Variants in STK3 observed in about 807,000 individuals in gnomAD.
STK3 encodes serine/threonine-protein kinase 3.
Under a neutral mutation model 58.0 loss-of-function variants are expected in STK3, and 41 were observed. That is an observed-to-expected ratio of 0.71 (90% CI 0.55 to 0.92). The LOEUF (loss-of-function observed/expected upper bound fraction) is 0.92, where lower values mean the gene tolerates loss of function less well. Among genes scored for constraint, STK3 ranks in the 40% least tolerant of loss-of-function variants. The probability of loss-of-function intolerance (pLI) is 0.00; values close to 1 mark genes in which losing one functional copy is unlikely to be tolerated. For synonymous variants in STK3, 170 were observed against 191.0 expected, an observed-to-expected ratio of 0.89 and a Z score of 0.91; for missense variants, 479 against 602.7, an observed-to-expected ratio of 0.79 and a Z score of 2.15.
chr8:98,523,592 C>A (rs12677171), intron 10 of STK3, among the ~76,000 whole-genome samples: 2 of 151,828 alleles, frequency 1.3e-5, no homozygotes, highest in African/African-American at 4.8e-5. Context: ...TCAGGCTGGT[C>A]TCAAACTCCT....
chr8:98,631,591 C>CA (rs1819238726), intron 6 of STK3, among the ~76,000 whole-genome samples: 1 of 152,150 alleles, frequency 6.6e-6, no homozygotes, highest in South Asian at 2.1e-4. Context: ...ACATATCTGT[C>CA]ATTCTGTATC....
At chr8:98,508,615 T>C (rs1192881869) in intron 10 of STK3, among the ~76,000 whole-genome samples, 2 of 152,192 alleles carry the variant, frequency 1.3e-5, no homozygotes, top group Admixed American at 6.5e-5. Flanking sequence ...ATACTTTAAA[T>C]GGGTGAGTTA....
chr8:98,622,573 C>A (rs1818411604), intron 6 of STK3, among the ~76,000 whole-genome samples: 1 of 152,090 alleles, frequency 6.6e-6, no homozygotes, highest in Non-Finnish European at 1.5e-5. Flanking sequence ...TGTAAAAAAT[C>A]AAATTATCGA....
chr8:98,688,610 C>A (rs1006163782), intron 6 of STK3, among the ~76,000 whole-genome samples: 2 of 151,930 alleles, frequency 1.3e-5, no homozygotes, highest in Non-Finnish European at 2.9e-5. Flanking sequence ...GAAACCAACA[C>A]CAAGAGGAAC....
intron 8 of STK3, among the ~76,000 whole-genome samples, chr8:98,569,268 G>A (rs1812759782): frequency 6.6e-6 from 1 of 152,012 alleles, no homozygotes; most frequent in South Asian, 2.1e-4. Context: ...CTGCTGTCAG[G>A]AAGCTACTGG....
chr8:98,606,259 G>A (rs1816769019), intron 6 of STK3: 1 of 152,190 alleles, frequency 6.6e-6, no homozygotes, highest in Non-Finnish European at 1.5e-5. Flanking sequence ...AAGATGGGTG[G>A]TTGAACATTA....
chr8:98,521,650 T>C (rs1320782356), intron 10 of STK3, among the ~76,000 whole-genome samples: 1 of 152,164 alleles, frequency 6.6e-6, no homozygotes, highest in African/African-American at 2.4e-5. Flanking sequence ...TTTCACCCTC[T>C]GATCTGGATC....
chr8:98,477,718 G>GGGGGGGGGGGGGGA, intron 10 of STK3, among the ~76,000 whole-genome samples: 1 of 60,414 alleles, frequency 1.7e-5, no homozygotes, highest in African/African-American at 5.9e-5. Flanking sequence ...GGGGGGGGGT[G>GGGGGGGGGGGGGGA]GGCGGGGGGG....
intron 1 of STK3, among the ~76,000 whole-genome samples, chr8:98,891,950 T>C (rs557371577): frequency 6.6e-6 from 1 of 152,252 alleles, no homozygotes; most frequent in East Asian, 1.9e-4. Flanking sequence ...AGTCCTAGCA[T>C]GACAAAAGAC....
intron 1 of STK3, among the ~76,000 whole-genome samples, chr8:98,890,924 A>G (rs927905906): frequency 6.6e-6 from 1 of 152,236 alleles, no homozygotes; most frequent in Non-Finnish European, 1.5e-5. Flanking sequence ...ATATCATTTT[A>G]TCGTCCTAGC....
chr8:98,588,606 A>G (rs1489877012), intron 7 of STK3, among the ~76,000 whole-genome samples: 3 of 152,072 alleles, frequency 2.0e-5, no homozygotes, highest in South Asian at 4.2e-4. Context: ...GAGTATCTTT[A>G]TGGCGTTCTC....
intron 8 of STK3, among the ~76,000 whole-genome samples, chr8:98,573,886 C>T (rs1813171424): frequency 6.6e-6 from 1 of 152,012 alleles, no homozygotes; most frequent in African/African-American, 2.4e-5. Flanking sequence ...ATAATCACGG[C>T]ACAAGGCAAC....
chr8:98,526,705 G>C, intron 10 of STK3, 37 bp downstream of exon 10: 1 of 1,465,068 alleles, frequency 6.8e-7, no homozygotes, highest in African/African-American at 1.4e-5. Context: ...AAATATAGAA[G>C]GAGAAAACAT....
At chr8:98,349,038 G>T in the STK3 span, among the ~76,000 whole-genome samples, 1 of 152,210 alleles carries the variant, frequency 6.6e-6, no homozygotes, top group African/African-American at 2.4e-5. Flanking sequence ...ATAAATAAAT[G>T]GTGGTACATC....
chr8:98,677,793 T>G (rs1823336071), intron 6 of STK3, among the ~76,000 whole-genome samples: 1 of 152,174 alleles, frequency 6.6e-6, no homozygotes, highest in African/African-American at 2.4e-5. Context: ...TTTTCAGAAC[T>G]TTTCTTCTCA....
At chr8:98,632,211 A>G (rs948636548) in intron 6 of STK3, among the ~76,000 whole-genome samples, 1 of 152,240 alleles carries the variant, frequency 6.6e-6, no homozygotes, top group Admixed American at 6.5e-5. Flanking sequence ...GTAAAAATAA[A>G]AATGTAGTCT....
At position 98,836,170 on chromosome 8, in the gene STK3, C is replaced by T. The variant is rs192889794; in HGVS notation, c.110+47477G>A. On this transcript the variant is annotated intron_variant, in intron 3 of 12. Coordinates refer to the STK3 transcript ENST00000523601. ...GAGCTGAGATCGCACTATTGCACTC[C>T]AGCCTGGGCAACAGAGTAAGACTCT... Among the ~76,000 whole-genome samples the T allele has an allele frequency of 5.6e-4, 85 of 151,998 alleles. 1 individual carries two copies. Among genetic ancestry groups the T allele is most frequent in the African/African-American group, 1.8e-3 (73 of 41,464 alleles).
intron 1 of STK3, among the ~76,000 whole-genome samples, chr8:98,776,891 A>C (rs1305758729): frequency 6.6e-6 from 1 of 151,994 alleles, no homozygotes. Flanking sequence ...TCTACTAAAA[A>C]TACGAAAAAT....
chr8:98,884,854 T>C (rs1432088458), intron 1 of STK3, among the ~76,000 whole-genome samples: 1 of 152,238 alleles, frequency 6.6e-6, no homozygotes, highest in Non-Finnish European at 1.5e-5. Context: ...TAGCACATAT[T>C]ATGTCCTCAA....
Sources: gnomAD v4.1 joint callset for allele counts (sites outside exome capture counted in the v4.1 genomes callset) on GRCh38, gnomAD v4.1.1 for gene constraint, MANE v1.5 for transcripts, NCBI Gene and HGNC (gene_info 2026-07-23, HGNC 2026-07-21) for gene names.